The following PTPRG variants were observed in gnomAD, a reference collection of about 807,000 sequenced individuals.
PTPRG encodes protein tyrosine phosphatase receptor type G.
In PTPRG, 102 loss-of-function variants were observed where a neutral mutation model predicts 165.3. The ratio of observed to expected loss-of-function variants is 0.62; its 90% confidence interval spans 0.53 to 0.73. PTPRG has a LOEUF of 0.73. Ranked by LOEUF, PTPRG falls within the 30% of genes least tolerant of loss-of-function variation. The pLI, the probability that PTPRG is intolerant of heterozygous loss-of-function variation, is 0.00. For missense variants in PTPRG, 1,866 were observed against 1,861.4 expected (o/e 1.00, Z -0.05); for synonymous variants, 675 against 669.5 (o/e 1.01, Z -0.13).
At chr3:61,609,648 A>G (rs1223838059) in intron 1 of PTPRG, among the ~76,000 whole-genome samples, 2 of 151,958 alleles carry the variant, frequency 1.3e-5, no homozygotes, top group Admixed American at 1.3e-4. Flanking sequence ...CTTGAGCCCA[A>G]GAGTTTGAGA....
chr3:61,618,975 C>T (rs1190448048), intron 1 of PTPRG, among the ~76,000 whole-genome samples: 1 of 72,950 alleles, frequency 1.4e-5, no homozygotes, highest in Non-Finnish European at 2.9e-5. Flanking sequence ...GATCCTGTCT[C>T]AAAAAAAAAA....
chr3:62,078,807 G>A (rs1478207068), intron 5 of PTPRG, among the ~76,000 whole-genome samples: 1 of 152,162 alleles, frequency 6.6e-6, no homozygotes, highest in Non-Finnish European at 1.5e-5. Flanking sequence ...ATAACTCAGT[G>A]TTGATTCTGC....
intron 4 of PTPRG, among the ~76,000 whole-genome samples, chr3:62,021,239 AT>A (rs2041682527): frequency 6.6e-6 from 1 of 152,208 alleles, no homozygotes; most frequent in African/African-American, 2.4e-5. Context: ...GATGCAATAC[AT>A]TGTTGGACCT....
At chr3:62,103,349 C>G (rs1179178105) in intron 5 of PTPRG, among the ~76,000 whole-genome samples, 5 of 151,296 alleles carry the variant, frequency 3.3e-5, no homozygotes, top group Non-Finnish European at 7.4e-5. Context: ...AGCTCCCCAC[C>G]AGTGCTAAGC....
intron 1 of PTPRG, among the ~76,000 whole-genome samples, chr3:61,629,344 G>C (rs1701702789): frequency 6.6e-6 from 1 of 151,866 alleles, no homozygotes; most frequent in Non-Finnish European, 1.5e-5. Context: ...TAGTAGAGAT[G>C]AGGTTTCACC....
At chr3:62,274,087 A>C (rs1702157598) in intron 23 of PTPRG, among the ~76,000 whole-genome samples, 1 of 152,188 alleles carries the variant, frequency 6.6e-6, no homozygotes, top group Non-Finnish European at 1.5e-5. Context: ...TTATCTGAAT[A>C]TAAACATCAG....
intron 1 of PTPRG, among the ~76,000 whole-genome samples, chr3:61,570,432 G>A (rs1700029213): frequency 6.6e-6 from 1 of 152,170 alleles, no homozygotes; most frequent in Non-Finnish European, 1.5e-5. Context: ...CATGGAATAT[G>A]TAACACTTCC....
chr3:61,618,197 A>T (rs1701351237), intron 1 of PTPRG, among the ~76,000 whole-genome samples: 1 of 152,216 alleles, frequency 6.6e-6, no homozygotes, highest in Non-Finnish European at 1.5e-5. Context: ...TGGCAGGCTT[A>T]AAAAAATCCA....
At chr3:61,649,583 G>T (rs1379395918) in intron 1 of PTPRG, among the ~76,000 whole-genome samples, 1 of 152,140 alleles carries the variant, frequency 6.6e-6, no homozygotes, top group Non-Finnish European at 1.5e-5. Flanking sequence ...TGGCCTAATT[G>T]CCTCGTAAAG....
intron 5 of PTPRG, among the ~76,000 whole-genome samples, chr3:62,089,990 C>G (rs549417178): frequency 7.2e-5 from 11 of 152,238 alleles, no homozygotes; most frequent in African/African-American, 2.4e-4. Flanking sequence ...ATTGTCAACC[C>G]ATTTTATGTG....
At chr3:61,853,447 C>G (rs1476898641) in intron 2 of PTPRG, among the ~76,000 whole-genome samples, 1 of 152,148 alleles carries the variant, frequency 6.6e-6, no homozygotes, top group Non-Finnish European at 1.5e-5. Flanking sequence ...CATTAGAACG[C>G]TGGGGAAGAA....
chr3:61,979,551 C>T (rs573122349), intron 2 of PTPRG, among the ~76,000 whole-genome samples: 1 of 48,742 alleles, frequency 2.1e-5, no homozygotes, highest in Non-Finnish European at 4.1e-5. Flanking sequence ...GATTAGGTGA[C>T]TTTTATGACT....
At chr3:62,285,993 T>A (rs1335835946) in intron 28 of PTPRG, among the ~76,000 whole-genome samples, 1 of 152,204 alleles carries the variant, frequency 6.6e-6, no homozygotes, top group East Asian at 1.9e-4. Context: ...TTTCCAGAAG[T>A]ACATGACATG....
chr3:61,727,504 C>T (rs767083286), intron 1 of PTPRG, among the ~76,000 whole-genome samples: 4 of 152,158 alleles, frequency 2.6e-5, no homozygotes, highest in Non-Finnish European at 5.9e-5. Flanking sequence ...GAATACATGT[C>T]AAACGCAAAT....
At chr3:61,685,962 A>G (rs928795184) in intron 1 of PTPRG, among the ~76,000 whole-genome samples, 4 of 152,052 alleles carry the variant, frequency 2.6e-5, no homozygotes, top group African/African-American at 9.7e-5. Context: ...GCTTGGAAAG[A>G]TTAGTTACCG....
chr3:62,098,974 C>G (rs1228578955), intron 5 of PTPRG, among the ~76,000 whole-genome samples: 1 of 152,208 alleles, frequency 6.6e-6, no homozygotes, highest in Non-Finnish European at 1.5e-5. Context: ...TGCCACTAGA[C>G]AGACACATTG....
chr3:61,578,328 A>G (rs1316259100), intron 1 of PTPRG, among the ~76,000 whole-genome samples: 3 of 152,312 alleles, frequency 2.0e-5, no homozygotes, highest in East Asian at 3.9e-4. Context: ...CATTGCAGCA[A>G]TCAGCCCCTG....
At chr3:61,606,984 G>C (rs767602292) in intron 1 of PTPRG, among the ~76,000 whole-genome samples, 58 of 151,432 alleles carry the variant, frequency 3.8e-4, no homozygotes, top group Middle Eastern at 3.2e-3. Context: ...CTCAGATGAC[G>C]TCCCCACCTA....
At chr3:61,839,968 A>G (rs1160110391) in intron 2 of PTPRG, among the ~76,000 whole-genome samples, 1 of 152,162 alleles carries the variant, frequency 6.6e-6, no homozygotes, top group East Asian at 1.9e-4. Context: ...TTTCCTCCAA[A>G]AAAGCTGCTA....
Sources: allele counts gnomAD v4.1 joint callset (sites outside exome capture counted in the v4.1 genomes callset), GRCh38; gene constraint gnomAD v4.1.1; transcripts MANE v1.5; gene names NCBI Gene and HGNC (gene_info 2026-07-23, HGNC 2026-07-21).